ZNF529: variants seen among roughly 807,000 people sequenced by gnomAD.
ZNF529 encodes zinc finger protein 529.
Under a neutral mutation model 10.1 loss-of-function variants are expected in ZNF529, and 11 were observed. The observed-to-expected ratio is 1.09, with a 90% CI of 0.69 to 1.81. The LOEUF is 1.81. Among genes scored for constraint, ZNF529 ranks in the 40% most tolerant of loss-of-function variants. The pLI is 0.00. For synonymous variants in ZNF529, 204 were observed against 215.7 expected (o/e 0.95, Z 0.47); for missense variants, 624 against 666.8 (o/e 0.94, Z 0.71).
At chr19:36,554,925 G>T (rs2145805555) in intron 3 of ZNF529, 129 bp from the exon 4 acceptor site, 1 of 720,558 alleles carries the variant, frequency 1.4e-6, no homozygotes, top group Non-Finnish European at 2.0e-6. Flanking sequence ...ACTGTGACAT[G>T]GGAAGTAAGG....
intron 2 of ZNF529, among the ~76,000 whole-genome samples, chr19:36,585,156 G>A (rs986020100): frequency 3.9e-5 from 6 of 152,100 alleles, no homozygotes; most frequent in Non-Finnish European, 8.8e-5. Context: ...TTTGTAGTGG[G>A]GAGAAACAAC....
chr19:36,568,253 C>T (rs1205227275), intron 2 of ZNF529, among the ~76,000 whole-genome samples: 3 of 152,054 alleles, frequency 2.0e-5, no homozygotes, highest in Admixed American at 6.6e-5. Flanking sequence ...AAACAAATGC[C>T]CAGTCAGGAG....
chr19:36,582,173 GGGTA>G (rs2036478298), intron 2 of ZNF529: 1 of 152,106 alleles, frequency 6.6e-6, no homozygotes, highest in Non-Finnish European at 1.5e-5. Flanking sequence ...AGGGGGAAAA[GGGTA>G]GTTATTATTT....
chr19:36,595,376 C>A, intron 1 of ZNF529, among the ~76,000 whole-genome samples: 1 of 152,120 alleles, frequency 6.6e-6, no homozygotes, highest in Admixed American at 6.6e-5. Context: ...TATATTATTT[C>A]CATTCAACAG....
intron 1 of ZNF529, chr19:36,594,024 A>C (rs2145283000): frequency 6.6e-6 from 1 of 152,348 alleles, no homozygotes; most frequent in South Asian, 2.1e-4. Context: ...ATAATCTAAA[A>C]GTAGGGTCCA....
intron 1 of ZNF529, among the ~76,000 whole-genome samples, chr19:36,591,171 C>T (rs185381251): frequency 2.5e-4 from 38 of 151,188 alleles, no homozygotes; most frequent in South Asian, 4.2e-4. Flanking sequence ...TGGTGGTGTG[C>T]GCCTGTAGTC....
chr19:36,547,456 A>G lies in ZNF529; in HGVS notation c.1102T>C (p.Cys368Arg), dbSNP rs373159745. Residue 368 changes from cysteine (C) to arginine (R), a missense_variant, in exon 5 of 5, where the codon TGT becomes CGT. Cys to Arg is a radical substitution (Grantham distance 180, BLOSUM62 -3). Transcript: ENST00000591340. ...CCAAAAGCCTTCCCACATTCCTTACATGCATAAGGTTTCTCACCAGTGTGA... is the reference window on the plus strand; with the variant it reads ...CCAAAAGCCTTCCCACATTCCTTACGTGCATAAGGTTTCTCACCAGTGTGA... The part of the protein sequence containing the change: ...RIHTGEKPYA[C>R]KECGKAFGVC... 19 of 1,613,912 alleles carry G rather than the reference A, an allele frequency of 1.2e-5. No individual in the cohort carries two copies. In the East Asian group the frequency reaches 3.8e-4, roughly 32 times the overall value.
At position 36,547,963 on chromosome 19, in the gene ZNF529, A is replaced by T. The variant is rs1345426281; in HGVS notation, c.595T>A (p.Tyr199Asn). The T allele has an allele frequency of 6.2e-7, 1 of 1,612,630 alleles. No homozygotes were observed. The highest frequency in any genetic ancestry group is 2.2e-5 in the East Asian group (1 of 44,868). The change falls in exon 5 of 5, where the codon TAT becomes AAT. Residue 199 changes from tyrosine (Y) to asparagine (N), a missense_variant. Transcript: ENST00000591340. Reference sequence around the variant, plus strand: ...GTTTTCCAACATTGATTACATTCATAGTTTTTTCCACCAGTATGTATTTTC... The same window carrying T: ...GTTTTCCAACATTGATTACATTCATTGTTTTTTCCACCAGTATGTATTTTC... ...YQKIHTGGKN[Y>N]ECNQCWKTFG...
At chr19:36,574,946 A>C (rs1402381052), upstream of ZNF529, 1 of 469,604 alleles carries the variant, frequency 2.1e-6, no homozygotes, top group African/African-American at 2.0e-5. Context: ...GCCTTTTAGA[A>C]TGATTAGTTG....
Position 36,544,068 on chromosome 19 carries a change from T to C in ZNF529, c.*2798A>G, listed in dbSNP as rs778121079. On this transcript the variant is annotated 3_prime_UTR_variant, in exon 5 of 5. Coordinates refer to ENST00000591340, the MANE Select transcript of ZNF529 (RefSeq NM_020951.5). Reference sequence around the variant, plus strand: ...CTGCAATATCCTATCCTATTGAATATGAGAATAAAGCTCCTATGCAGGCTT... The same window carrying C: ...CTGCAATATCCTATCCTATTGAATACGAGAATAAAGCTCCTATGCAGGCTT... 2.8e-4 allele frequency: 43 copies of C among 152,078 alleles called. 1 individual carries two copies. The highest frequency in any genetic ancestry group is 3.4e-3 in the Middle Eastern group (1 of 294). 9.4% of individuals were successfully genotyped at this position (152,078 alleles called of 1,614,324 possible). A position where few individuals can be genotyped will look rare whatever the true frequency, so the allele number is the denominator to read the frequency against.
intron 1 of ZNF529, chr19:36,604,795 A>G (rs1406251532): frequency 6.6e-6 from 1 of 152,438 alleles, no homozygotes; most frequent in Non-Finnish European, 1.5e-5. Flanking sequence ...GCGCCGTCAC[A>G]CAAACGGCCC....
At chr19:36,586,924 C>T (rs377361827) in intron 2 of ZNF529, among the ~76,000 whole-genome samples, 6 of 152,226 alleles carry the variant, frequency 3.9e-5, no homozygotes, top group South Asian at 2.1e-4. Context: ...AGAAAAAAGA[C>T]GAGTATGCTG....
chr19:36,593,782 C>G (rs1384167150), intron 1 of ZNF529: 1 of 152,102 alleles, frequency 6.6e-6, no homozygotes, highest in African/African-American at 2.4e-5. Flanking sequence ...AAACAGTTCA[C>G]CAAAACCATG....
chr19:36,559,367 G>T (rs559790679), intron 2 of ZNF529, among the ~76,000 whole-genome samples: 1 of 152,354 alleles, frequency 6.6e-6, no homozygotes, highest in African/African-American at 2.4e-5. Flanking sequence ...GGAGTGCAGT[G>T]CCACAATCTC....
chr19:36,554,821 C>G, intron 3 of ZNF529, 25 bp from the exon 4 acceptor site: 1 of 1,500,180 alleles, frequency 6.7e-7, no homozygotes, highest in Non-Finnish European at 8.9e-7. Context: ...CCGTACATTA[C>G]AGGTAAAATT....
intron 1 of ZNF529, among the ~76,000 whole-genome samples, chr19:36,598,873 A>C (rs1407508059): frequency 6.6e-6 from 1 of 152,216 alleles, no homozygotes; most frequent in Non-Finnish European, 1.5e-5. Context: ...TGTCCTTAAC[A>C]TGCTTTCTGA....
intron 2 of ZNF529, chr19:36,581,056 T>C (rs1206365083): frequency 6.6e-6 from 1 of 152,228 alleles, no homozygotes; most frequent in East Asian, 1.9e-4. Context: ...ATAGAAGATA[T>C]GAACCACACC....
chr19:36,588,230 T>C (rs1247653539), intron 2 of ZNF529, among the ~76,000 whole-genome samples: 2 of 152,186 alleles, frequency 1.3e-5, no homozygotes, highest in East Asian at 3.8e-4. Context: ...AATGGGTGAA[T>C]TGTATATGAA....
intron 1 of ZNF529, 60 bp from the exon 2 acceptor site, chr19:36,572,452 A>C (rs537154858): frequency 3.0e-6 from 4 of 1,329,814 alleles, no homozygotes; most frequent in Non-Finnish European, 4.2e-6. Context: ...ATAAGAACAC[A>C]GTGTTCACCA....
Sources: allele counts gnomAD v4.1 joint callset (sites outside exome capture counted in the v4.1 genomes callset), GRCh38; gene constraint gnomAD v4.1.1; transcripts MANE v1.5; gene names NCBI Gene and HGNC (gene_info 2026-07-23, HGNC 2026-07-21).